The following ANKFY1 variants were observed in gnomAD, a reference collection of about 807,000 sequenced individuals.
ANKFY1 encodes the protein ankyrin repeat and FYVE domain-containing protein 1.
In ANKFY1, 47 loss-of-function variants were observed where a neutral mutation model predicts 128.3. The observed-to-expected ratio is 0.37, with a 90% CI of 0.29 to 0.47. The LOEUF is 0.47. ANKFY1 is among the 20% of genes least tolerant of loss of function. The pLI is 1.00. For missense variants in ANKFY1, 1,222 were observed against 1,510.6 expected (o/e 0.81, Z 3.17); for synonymous variants, 553 against 601.6 (o/e 0.92, Z 1.18).
Position 4,208,072 on chromosome 17 carries a change from C to A in ANKFY1, c.593G>T (p.Arg198Met). 2 of 1,604,308 alleles carry A rather than the reference C, an allele frequency of 1.2e-6. No homozygotes were observed. Among genetic ancestry groups the A allele is most frequent in the Non-Finnish European group, 1.7e-6 (2 of 1,176,254 alleles). Residue 198 changes from arginine (R) to methionine (M), a missense_variant, in exon 6 of 25, where the codon AGG becomes ATG. Physicochemically the swap from Arg to Met is moderately conservative, Grantham distance 91 (BLOSUM62 -1). Transcript: ENST00000341657. Reference protein sequence around the residue: ...EIIASHWDDLRKEDFSSMSAQ... With the variant: ...EIIASHWDDLMKEDFSSMSAQ... ...GCTCATGCTGCTGAAATCCTCCTTC[C>A]TCAGGTCGTCCTGAGAATTCACAAC... is the stretch of plus-strand genomic sequence containing the variant.
chr17:4,202,614 G>T (rs1458349573), intron 7 of ANKFY1, among the ~76,000 whole-genome samples: 8 of 123,796 alleles, frequency 6.5e-5, no homozygotes, highest in Non-Finnish European at 3.3e-5. Context: ...GGAGAATGGC[G>T]TGAACCCGGG....
chr17:4,184,746 C>G, intron 12 of ANKFY1, 72 bp downstream of exon 12: 2 of 1,513,938 alleles, frequency 1.3e-6, no homozygotes, highest in Non-Finnish European at 1.8e-6. Context: ...GAAAAAACAT[C>G]AACTCTGTAA....
chr17:4,243,866 T>C (rs1967387729), intron 1 of ANKFY1, among the ~76,000 whole-genome samples: 1 of 152,092 alleles, frequency 6.6e-6, no homozygotes, highest in Non-Finnish European at 1.5e-5. Context: ...CGCTGCACGA[T>C]GGTAAGTGCA....
At chr17:4,256,215 TGAG>T (rs1240124036) in intron 1 of ANKFY1, among the ~76,000 whole-genome samples, 1 of 152,108 alleles carries the variant, frequency 6.6e-6, no homozygotes, top group East Asian at 1.9e-4. Flanking sequence ...GATTACGAAC[TGAG>T]GAGATCGAGA....
chr17:4,206,358 C>T lies in ANKFY1; in HGVS notation c.861G>A (p.Lys287=), dbSNP rs2060023760. Residue 287 remains lysine, a synonymous_variant, in exon 7 of 25, where the codon AAG becomes AAA. Coordinates refer to ENST00000341657, the MANE Select transcript of ANKFY1 (RefSeq NM_001330063.2). The part of the protein sequence containing the change: ...SHKADVDMVD[K]SGWSLLHKGI... ...CTTTGTGTAACAAGCTCCAGCCACT[C>T]TTGTCCACCATGTCCACATCAGCTT... is the stretch of plus-strand genomic sequence containing the variant. 1 of 1,614,190 alleles carries T rather than the reference C, an allele frequency of 6.2e-7. No homozygotes were observed. Among genetic ancestry groups the T allele is most frequent in the Non-Finnish European group, 8.5e-7 (1 of 1,180,004 alleles).
intron 6 of ANKFY1, among the ~76,000 whole-genome samples, chr17:4,207,246 C>CTATCTAACCACAGAGGGCCCGAT: frequency 6.6e-6 from 1 of 152,138 alleles, no homozygotes; most frequent in South Asian, 2.1e-4. Flanking sequence ...CCACACAAGT[C>CTATCTAACCACAGAGGGCCCGAT]CTTCAAAGTG....
chr17:4,238,635 C>A (rs8074900), intron 2 of ANKFY1, among the ~76,000 whole-genome samples: 49 of 151,372 alleles, frequency 3.2e-4, no homozygotes, highest in African/African-American at 1.1e-3. Flanking sequence ...CACCACGCTC[C>A]GCCTATTTTT....
intron 6 of ANKFY1, among the ~76,000 whole-genome samples, chr17:4,206,775 G>A (rs1451587798): frequency 2.0e-5 from 3 of 152,190 alleles, no homozygotes; most frequent in Non-Finnish European, 4.4e-5. Context: ...TGTGGGGCAC[G>A]AGTGCCAGGC....
chr17:4,263,799 C>A (rs1308918761), intron 1 of ANKFY1, 133 bp downstream of exon 1: 5 of 1,602,590 alleles, frequency 3.1e-6, no homozygotes, highest in African/African-American at 1.3e-5. Flanking sequence ...AGAGGCTAGA[C>A]AGGAAGGCTC....
chr17:4,206,326 T>C lies in ANKFY1; in HGVS notation c.893A>G (p.Gln298Arg). The part of the protein sequence containing the change: ...SGWSLLHKGI[Q>R]RGDLFAATFL... ...ACATACACACTTCTTCCTACCTCTTTGGATTCCTTTGTGTAACAAGCTCCA... is the reference window on the plus strand; with the variant it reads ...ACATACACACTTCTTCCTACCTCTTCGGATTCCTTTGTGTAACAAGCTCCA... The change falls in exon 7 of 25, where the codon CAA becomes CGA. Residue 298 changes from glutamine to arginine, a missense_variant. By Grantham distance (43) the Gln-to-Arg change is conservative. Transcript: ENST00000341657. The C allele has an allele frequency of 6.2e-7, 1 of 1,612,256 alleles. No individual in the cohort carries two copies. Among genetic ancestry groups the C allele is most frequent in the South Asian group, 1.1e-5 (1 of 91,036 alleles).
chr17:4,251,468 G>C (rs1297681746), intron 1 of ANKFY1, among the ~76,000 whole-genome samples: 1 of 141,392 alleles, frequency 7.1e-6, no homozygotes. Context: ...AAAACAAAAA[G>C]AAAACAATTT....
chr17:4,254,812 A>G (rs1050133871), intron 1 of ANKFY1, among the ~76,000 whole-genome samples: 6 of 152,222 alleles, frequency 3.9e-5, no homozygotes, highest in African/African-American at 1.4e-4. Context: ...GTGGGAATTA[A>G]TATTTTTTAT....
At chr17:4,231,926 A>C (rs1301020004) in intron 3 of ANKFY1, among the ~76,000 whole-genome samples, 2 of 151,514 alleles carry the variant, frequency 1.3e-5, no homozygotes, top group Non-Finnish European at 2.9e-5. Context: ...GACAGAGTGA[A>C]ATCCTGTTTA....
chr17:4,198,130 A>C (rs989781019), intron 7 of ANKFY1, among the ~76,000 whole-genome samples: 277 of 147,680 alleles, frequency 1.9e-3, no homozygotes, highest in Admixed American at 2.2e-3. Context: ...ACTCCGTCTT[A>C]AAAAAAAAAA....
chr17:4,167,926 A>T lies in ANKFY1; in HGVS notation c.3378-15T>A. On this transcript the variant is annotated splice_polypyrimidine_tract_variant and intron_variant, in intron 24 of 24. Transcript: ENST00000341657. The surrounding 1 kb of genome is among the most constrained non-coding windows in gnomAD (Gnocchi z 4.1). ...CGCAGTGACGACTGTGGAAGCAAAGAAAGGAAGTATGAGAGGAGCGCCAAC... is the reference window on the plus strand; with the variant it reads ...CGCAGTGACGACTGTGGAAGCAAAGTAAGGAAGTATGAGAGGAGCGCCAAC... 1 of 1,611,426 alleles carries T rather than the reference A, an allele frequency of 6.2e-7. No homozygotes were observed. The highest frequency in any genetic ancestry group is 8.5e-7 in the Non-Finnish European group (1 of 1,178,518).
intron 4 of ANKFY1, among the ~76,000 whole-genome samples, chr17:4,213,939 C>G (rs953567493): frequency 6.6e-6 from 1 of 152,152 alleles, no homozygotes; most frequent in Non-Finnish European, 1.5e-5. Context: ...TAGCACACCA[C>G]AGCAATGTCT....
chr17:4,182,499 A>G (rs1443176586), intron 14 of ANKFY1, 150 bp from the exon 15 acceptor site: 2 of 598,566 alleles, frequency 3.3e-6, no homozygotes, highest in Non-Finnish European at 5.2e-6. Flanking sequence ...ATTAAATGTG[A>G]AAATAGTGTC....
At chr17:4,246,409 AATAATT>A (rs1214066749) in intron 1 of ANKFY1, among the ~76,000 whole-genome samples, 1 of 152,190 alleles carries the variant, frequency 6.6e-6, no homozygotes. Flanking sequence ...GAGAAATACA[AATAATT>A]ATGAGCCCAA....
At chr17:4,205,226 C>A (rs913385871) in intron 7 of ANKFY1, among the ~76,000 whole-genome samples, 1 of 152,166 alleles carries the variant, frequency 6.6e-6, no homozygotes, top group East Asian at 1.9e-4. Context: ...GCACTTCAAT[C>A]AAGTCAACCA....
Sources: gnomAD v4.1 joint callset for allele counts (sites outside exome capture counted in the v4.1 genomes callset) on GRCh38, gnomAD v4.1.1 for gene constraint, Gnocchi (gnomAD v3.1) non-coding constraint, MANE v1.5 for transcripts, NCBI Gene and HGNC (gene_info 2026-07-23, HGNC 2026-07-21) for gene names.